The following SPEN variants were observed in gnomAD, a reference collection of about 807,000 sequenced individuals.
SPEN encodes the protein spen family transcriptional repressor.
SPEN carries 18 observed loss-of-function variants against 269.9 expected under a neutral mutation model. That is an observed-to-expected ratio of 0.07 (90% CI 0.05 to 0.10). SPEN has a LOEUF of 0.10. Among genes scored for constraint, SPEN ranks in the 10% least tolerant of loss-of-function variants. The pLI is 1.00. For missense variants in SPEN, 3,822 were observed against 4,631.2 expected (o/e 0.83, Z 5.07); for synonymous variants, 1,726 against 1,765.7 (o/e 0.98, Z 0.56).
At position 15,939,715 on chromosome 1, in the gene SPEN, C is replaced by T. The variant is rs1203188540; in HGVS notation, c.*288C>T. 2 of 315,852 alleles carry T rather than the reference C, an allele frequency of 6.3e-6. No homozygotes were observed. The allele number at this position is 315,852 out of a possible 1,614,324, so 19.6% of individuals were successfully genotyped here. A position where few individuals can be genotyped will look rare whatever the true frequency, so the allele number is the denominator to read the frequency against. On this transcript the variant is annotated 3_prime_UTR_variant, in exon 15 of 15. Transcript: ENST00000375759. The surrounding 1 kb of genome is among the most constrained non-coding windows in gnomAD (Gnocchi z 4.1). ...CTTTCCTCTTTTTGGAGAAAAGGAA[C>T]AGGGCAGTGGAATGAAAATTTTTTG...
chr1:15,896,918 TG>T (rs2070846908), intron 3 of SPEN, among the ~76,000 whole-genome samples: 1 of 152,122 alleles, frequency 6.6e-6, no homozygotes, highest in South Asian at 2.1e-4. Context: ...CAGTGAGCCA[TG>T]AGTGCACCTC....
Position 15,937,771 on chromosome 1 carries a change from G to C in SPEN, c.10510-41G>C. On this transcript the variant is annotated intron_variant, in intron 12 of 14. Transcript: ENST00000375759. This position sits in a 1 kb window ranked among gnomAD's most constrained non-coding sequence, Gnocchi z 5.7. ...GGCTGTGTCCAGCATGGCTCAGCGA[G>C]GGGCCATGAGCTCACTTCCTGTTTG... 6.2e-7 allele frequency: 1 copy of C among 1,611,214 alleles called. No homozygotes were observed. The highest frequency in any genetic ancestry group is 8.5e-7 in the Non-Finnish European group (1 of 1,178,702).
At chr1:15,905,928 C>T (rs891536448) in intron 3 of SPEN, among the ~76,000 whole-genome samples, 20 of 152,146 alleles carry the variant, frequency 1.3e-4, no homozygotes, top group Non-Finnish European at 2.9e-4. Flanking sequence ...TTGTTTACTT[C>T]TGTAACCACT....
chr1:15,852,428 G>C (rs1221180188), intron 1 of SPEN, among the ~76,000 whole-genome samples: 1 of 151,398 alleles, frequency 6.6e-6, no homozygotes, highest in African/African-American at 2.4e-5. Flanking sequence ...AAATTACACA[G>C]AATAATTATA....
chr1:15,879,527 GC>G (rs2070666255), intron 3 of SPEN, among the ~76,000 whole-genome samples: 1 of 152,090 alleles, frequency 6.6e-6, no homozygotes, highest in Admixed American at 6.6e-5. Flanking sequence ...TAGAAAATCT[GC>G]CTGGGGAGTA....
At chr1:15,886,544 G>C (rs1169022368) in intron 3 of SPEN, among the ~76,000 whole-genome samples, 1 of 152,178 alleles carries the variant, frequency 6.6e-6, no homozygotes, top group Non-Finnish European at 1.5e-5. Flanking sequence ...GGACGGCTGT[G>C]CCTTAGTGTT....
At chr1:15,890,001 C>T (rs1177995948) in intron 3 of SPEN, among the ~76,000 whole-genome samples, 1 of 152,174 alleles carries the variant, frequency 6.6e-6, no homozygotes, top group Non-Finnish European at 1.5e-5. Context: ...AGGCATGAGC[C>T]ACCGCACCCG....
intron 1 of SPEN, among the ~76,000 whole-genome samples, chr1:15,871,177 C>T (rs2070569305): frequency 6.6e-6 from 1 of 152,066 alleles, no homozygotes; most frequent in South Asian, 2.1e-4. Context: ...CCATGTTGGT[C>T]AGGCTGGGTC....
At chr1:15,875,644 A>G (rs1421513400) in intron 2 of SPEN, among the ~76,000 whole-genome samples, 4 of 152,080 alleles carry the variant, frequency 2.6e-5, no homozygotes, top group Non-Finnish European at 5.9e-5. Flanking sequence ...GTAATTTTTT[A>G]TAACTATCCA....
chr1:15,923,808 T>C (rs2071141132), intron 10 of SPEN, among the ~76,000 whole-genome samples: 2 of 152,106 alleles, frequency 1.3e-5, no homozygotes, highest in Non-Finnish European at 2.9e-5. Flanking sequence ...TAGCTGGGAC[T>C]ACAGGCGCAT....
rs777412448 is a variant in SPEN at position 15,931,203 on chromosome 1, GAGA to G, written c.4967_4969del (p.Lys1656del). The stretch of plus-strand genomic sequence containing the variant: ...TCTAGAATCAGCCCCATCAGCACTA[GAGA>G]AGACCACTGGTGACAAAACGGTAGA... On this transcript the variant is annotated inframe_deletion, in exon 11 of 15. Transcript: ENST00000375759. This position sits in a 1 kb window ranked among gnomAD's most constrained non-coding sequence, Gnocchi z 4.8. 9.3e-6 allele frequency: 15 copies of G among 1,614,182 alleles called. No individual in the cohort carries two copies. Among genetic ancestry groups the G allele is most frequent in the Middle Eastern group, 1.6e-4 (1 of 6,062 alleles).
intron 1 of SPEN, among the ~76,000 whole-genome samples, chr1:15,867,457 T>A (rs1026828861): frequency 2.6e-5 from 4 of 152,152 alleles, no homozygotes; most frequent in Non-Finnish European, 5.9e-5. Context: ...CTTGGCTTCC[T>A]ACAGTGCTGG....
intron 3 of SPEN, among the ~76,000 whole-genome samples, chr1:15,897,646 G>GCCA (rs1335979217): frequency 1.3e-5 from 2 of 152,034 alleles, no homozygotes; most frequent in Non-Finnish European, 2.9e-5. Flanking sequence ...ACAGGCGTGG[G>GCCA]CCACCACGCC....
chr1:15,874,441 A>G, intron 2 of SPEN: 1 of 1,282,440 alleles, frequency 7.8e-7, no homozygotes, highest in Non-Finnish European at 1.0e-6. Context: ...TCCTAACCCA[A>G]GTCAAACTCT....
At chr1:15,914,574 G>A (rs1245650473) in intron 5 of SPEN, among the ~76,000 whole-genome samples, 1 of 152,216 alleles carries the variant, frequency 6.6e-6, no homozygotes, top group Non-Finnish European at 1.5e-5. Flanking sequence ...TGTAATCTCA[G>A]CACTTTGGGA....
chr1:15,872,795 C>T lies in SPEN; in HGVS notation c.84-21C>T, dbSNP rs191589370. ...GAAAATTATTGATATGCAGCAATAA[C>T]GTTGACTTTATTTTTTCCAGATATG... is the stretch of plus-strand genomic sequence containing the variant. On this transcript the variant is annotated intron_variant, in intron 1 of 14. Transcript: ENST00000375759. 839 of 1,475,954 alleles carry T rather than the reference C, an allele frequency of 5.7e-4. 8 individuals are homozygous for T. The East Asian group carries it at 9.5e-3, about 17-fold the overall frequency. The allele number at this position is 1,475,954 out of a possible 1,614,324, so 91.4% of individuals were successfully genotyped here.
In SPEN at chr1:15,870,018, A is replaced by G. The variant is rs573093704; in HGVS notation, c.84-2798A>G. On this transcript the variant is annotated intron_variant, in intron 1 of 14. Coordinates refer to ENST00000375759, the MANE Select transcript of SPEN (RefSeq NM_015001.3). ...TGAGTAGCTGGGATTACAGGCGGGC[A>G]CCACCATGCCTGGCTAATTTTTGTA... Among the ~76,000 whole-genome samples, 10 of 151,952 alleles carry G rather than the reference A, an allele frequency of 6.6e-5. No homozygotes were observed. In the South Asian group the frequency reaches 2.1e-3, roughly 32 times the overall value.
Position 15,930,235 on chromosome 1 carries a change from A to C in SPEN, c.3995A>C (p.Asn1332Thr). The change falls in exon 11 of 15, where the codon AAT becomes ACT. Residue 1332 changes from asparagine to threonine, a missense_variant. Asn to Thr is a moderately conservative substitution (Grantham distance 65, BLOSUM62 0). Coordinates refer to ENST00000375759, the MANE Select transcript of SPEN (RefSeq NM_015001.3). This position sits in a 1 kb window ranked among gnomAD's most constrained non-coding sequence, Gnocchi z 5.3. ...GCCAAAATAAAACTATCTGTCTTGA[A>C]TTCTGAAGATGAACTAAATCGTTGG... The part of the protein sequence containing the change: ...DMAKIKLSVL[N>T]SEDELNRWDS... 6.2e-7 allele frequency: 1 copy of C among 1,614,224 alleles called. No homozygotes were observed. The highest frequency in any genetic ancestry group is 8.5e-7 in the Non-Finnish European group (1 of 1,180,028).
chr1:15,930,312 A>G lies in SPEN; in HGVS notation c.4072A>G (p.Ser1358Gly), dbSNP rs1482840235. 1 of 1,614,202 alleles carries G rather than the reference A, an allele frequency of 6.2e-7. No individual in the cohort carries two copies. Among genetic ancestry groups the G allele is most frequent in the Non-Finnish European group, 8.5e-7 (1 of 1,180,020 alleles). ...CAGATTTGATGTGAGTTTCCCAAAC[A>G]GCATAATTAAGAGAGATAGCCTTCG... ...AGRFDVSFPN[S>G]IIKRDSLRKR... Residue 1358 changes from serine to glycine, a missense_variant, in exon 11 of 15, where the codon AGC (serine) becomes GGC (glycine). Coordinates refer to ENST00000375759, the MANE Select transcript of SPEN (RefSeq NM_015001.3). The surrounding 1 kb of genome is among the most constrained non-coding windows in gnomAD (Gnocchi z 5.3).
Sources: allele counts gnomAD v4.1 joint callset (sites outside exome capture counted in the v4.1 genomes callset), GRCh38; gene constraint gnomAD v4.1.1; non-coding constraint Gnocchi (gnomAD v3.1); transcripts MANE v1.5; gene names NCBI Gene and HGNC (gene_info 2026-07-23, HGNC 2026-07-21).